The following S100Z variants were observed in gnomAD, a reference collection of about 807,000 sequenced individuals.
The protein encoded by S100Z is S100 calcium binding protein Z.
Under a neutral mutation model 8.5 loss-of-function variants are expected in S100Z, and 11 were observed. The observed-to-expected ratio is 1.30, with a 90% CI of 0.82 to 2.15. The LOEUF is 2.15. Among genes scored for constraint, S100Z ranks in the 30% most tolerant of loss-of-function variants. The probability of loss-of-function intolerance (pLI) is 0.00; values close to 1 mark genes in which losing one functional copy is unlikely to be tolerated. For synonymous variants in S100Z, 34 were observed against 43.8 expected, an observed-to-expected ratio of 0.78 and a Z score of 0.89; for missense variants, 126 against 117.9, an observed-to-expected ratio of 1.07 and a Z score of -0.32.
At chr5:76,885,608 G>A (rs1219157109) in intron 4 of S100Z, among the ~76,000 whole-genome samples, 1 of 142,466 alleles carries the variant, frequency 7.0e-6, no homozygotes, top group African/African-American at 2.6e-5. Flanking sequence ...CAGGAAAGTG[G>A]GAATGGGGTG....
chr5:76,854,216 G>A (rs908800867), intron 1 of S100Z, among the ~76,000 whole-genome samples: 3 of 152,160 alleles, frequency 2.0e-5, no homozygotes, highest in Admixed American at 6.5e-5. Flanking sequence ...GGGCATTGCT[G>A]TAAAGAGACC....
In S100Z at chr5:76,912,386, C is replaced by T. The variant is rs370627644; in HGVS notation, c.*3-8331C>T. On this transcript the variant is annotated intron_variant, in intron 4 of 4. Coordinates refer to ENST00000317593, the MANE Select transcript of S100Z (RefSeq NM_130772.4). ...TCTCTTAGAAGTCCCCTTAGCTAAT[C>T]CTGACCTTAACCTATATACCAATGG... 7.2e-5 allele frequency among the ~76,000 whole-genome samples: 11 copies of T among 152,250 alleles called. 1 individual carries two copies. The highest frequency in any genetic ancestry group is 2.1e-4 in the South Asian group (1 of 4,816).
At chr5:76,880,783 T>C (rs2150647346) in intron 4 of S100Z, among the ~76,000 whole-genome samples, 1 of 152,334 alleles carries the variant, frequency 6.6e-6, no homozygotes, top group South Asian at 2.1e-4. Flanking sequence ...TATGTTGTCA[T>C]ATACCAGGCC....
At chr5:76,851,671 G>A (rs1750732788) in intron 1 of S100Z, among the ~76,000 whole-genome samples, 1 of 152,188 alleles carries the variant, frequency 6.6e-6, no homozygotes, top group South Asian at 2.1e-4. Flanking sequence ...AAATCAGTTT[G>A]CTGTGGTTTG....
the S100Z span, among the ~76,000 whole-genome samples, chr5:76,940,334 G>A: frequency 0.064 from 9,718 of 152,140 alleles, 393 homozygotes; most frequent in East Asian, 0.15. Context: ...GATGGGATCT[G>A]GAGCAAAGGA....
At chr5:76,866,756 T>C (rs948958614) in intron 1 of S100Z, among the ~76,000 whole-genome samples, 1 of 152,234 alleles carries the variant, frequency 6.6e-6, no homozygotes, top group African/African-American at 2.4e-5. Context: ...TCTACGTGTG[T>C]GTAAGTATAC....
chr5:76,912,025 C>G (rs1744680757), intron 4 of S100Z, among the ~76,000 whole-genome samples: 1 of 152,132 alleles, frequency 6.6e-6, no homozygotes, highest in African/African-American at 2.4e-5. Context: ...AGTGGCATAC[C>G]TAAGTAAGGA....
At chr5:76,887,824 A>G (rs937502161) in intron 4 of S100Z, among the ~76,000 whole-genome samples, 2 of 152,188 alleles carry the variant, frequency 1.3e-5, no homozygotes, top group East Asian at 1.9e-4. Context: ...CCCCTTAAAT[A>G]GAATATTTTT....
At chr5:76,870,441 C>A (rs1428277983) in intron 2 of S100Z, among the ~76,000 whole-genome samples, 157 bp downstream of exon 2, 4 of 152,126 alleles carry the variant, frequency 2.6e-5, no homozygotes, top group Non-Finnish European at 1.5e-5. Context: ...TGTGACTTTG[C>A]ATGTAGTGAA....
At chr5:76,852,958 A>T (rs1229166661) in intron 1 of S100Z, among the ~76,000 whole-genome samples, 1 of 152,206 alleles carries the variant, frequency 6.6e-6, no homozygotes, top group African/African-American at 2.4e-5. Flanking sequence ...TCTCAACACA[A>T]GAACCAGAGC....
intron 4 of S100Z, among the ~76,000 whole-genome samples, chr5:76,909,571 C>G (rs186254774): frequency 1.3e-5 from 2 of 152,120 alleles, no homozygotes; most frequent in East Asian, 3.9e-4. Flanking sequence ...CCTAGCCTCC[C>G]TATAGCTCCC....
intron 4 of S100Z, among the ~76,000 whole-genome samples, chr5:76,909,655 C>A (rs1392689705): frequency 6.6e-6 from 1 of 152,188 alleles, no homozygotes; most frequent in Non-Finnish European, 1.5e-5. Flanking sequence ...TCCAAATGAT[C>A]ACAAAAACCC....
intron 4 of S100Z, among the ~76,000 whole-genome samples, chr5:76,914,114 C>T (rs1429390683): frequency 6.6e-6 from 1 of 152,160 alleles, no homozygotes; most frequent in African/African-American, 2.4e-5. Flanking sequence ...GACCTGCTGG[C>T]CCTTCCACTG....
chr5:76,866,232 G>A (rs1742725640), intron 1 of S100Z, among the ~76,000 whole-genome samples: 1 of 151,590 alleles, frequency 6.6e-6, no homozygotes, highest in Non-Finnish European at 1.5e-5. Context: ...CTACAGGCAT[G>A]CGCCACCATG....
chr5:76,936,655 ACAAC>A, the S100Z span, among the ~76,000 whole-genome samples: 20,828 of 150,032 alleles, frequency 0.14, 1,799 homozygotes, highest in Non-Finnish European at 0.2. Context: ...ACACACACAC[ACAAC>A]CATGAAGGAA....
the S100Z span, among the ~76,000 whole-genome samples, chr5:76,940,155 C>CAAAAAA: frequency 2.6e-5 from 3 of 116,820 alleles, no homozygotes; most frequent in Non-Finnish European, 3.4e-5. Flanking sequence ...GACTCCATCT[C>CAAAAAA]AAAAAAAAAA....
At chr5:76,863,399 A>G (rs929590476) in intron 1 of S100Z, among the ~76,000 whole-genome samples, 1 of 152,206 alleles carries the variant, frequency 6.6e-6, no homozygotes, top group Non-Finnish European at 1.5e-5. Context: ...CAAGGTTGTC[A>G]TTTTACGCTT....
At chr5:76,916,160 CA>C (rs60866296) in intron 4 of S100Z, among the ~76,000 whole-genome samples, 8,854 of 66,802 alleles carry the variant, frequency 0.13, 625 homozygotes, top group African/African-American at 0.3. Context: ...GACTCCATCT[CA>C]AAAAAAAAAA....
At chr5:76,948,653 G>A in the S100Z span, 1 of 152,062 alleles carries the variant, frequency 6.6e-6, no homozygotes, top group East Asian at 1.9e-4. Context: ...TGTTCAGATG[G>A]CTATCATCAA....
Sources: gnomAD v4.1 joint callset for allele counts (sites outside exome capture counted in the v4.1 genomes callset) on GRCh38, gnomAD v4.1.1 for gene constraint, MANE v1.5 for transcripts, NCBI Gene and HGNC (gene_info 2026-07-23, HGNC 2026-07-21) for gene names.